NUMA1: variants seen among roughly 807,000 people sequenced by gnomAD.
NUMA1 encodes SP-H antigen.
A neutral mutation model predicts 237.1 loss-of-function variants in NUMA1; 62 were observed. The observed-to-expected ratio is 0.26, with a 90% CI of 0.21 to 0.32. NUMA1 has a LOEUF of 0.32. NUMA1 is among the 10% of genes least tolerant of loss of function. NUMA1 has a pLI of 1.00. For synonymous variants in NUMA1, 1,028 were observed against 1,066.1 expected, an observed-to-expected ratio of 0.96 and a Z score of 0.70; for missense variants, 2,533 against 2,666.5, an observed-to-expected ratio of 0.95 and a Z score of 1.10.
Position 72,003,308 on chromosome 11 carries a change from CCA to C in NUMA1, c.*217_*218del. ...AAAGGAGGCAAGGTAGGGAGAGCGC[CCA>C]CACTGTCCATGCTCCAGGCCCCCTG... is the stretch of plus-strand genomic sequence containing the variant. On this transcript the variant is annotated 3_prime_UTR_variant, in exon 27 of 27. Transcript: ENST00000393695. 1.7e-6 allele frequency: 1 copy of C among 587,772 alleles called. No homozygotes were observed. Among genetic ancestry groups the C allele is most frequent in the Non-Finnish European group, 3.1e-6 (1 of 325,342 alleles). 36.4% of individuals were successfully genotyped at this position (587,772 alleles called of 1,614,324 possible).
chr11:72,048,434 C>G (rs191537751), intron 2 of NUMA1, among the ~76,000 whole-genome samples: 1 of 152,058 alleles, frequency 6.6e-6, no homozygotes, highest in Non-Finnish European at 1.5e-5. Flanking sequence ...TACAATGGCA[C>G]GACCTCAGCT....
intron 22 of NUMA1, chr11:72,005,694 G>A (rs1955637945): frequency 6.1e-6 from 3 of 493,568 alleles, no homozygotes; most frequent in African/African-American, 2.0e-5. Flanking sequence ...GCTCCCTGGT[G>A]CCCAAAGGAC....
Position 72,014,540 on chromosome 11 carries a change from A to G in NUMA1, c.2963T>C (p.Leu988Pro). 1 of 1,602,166 alleles carries G rather than the reference A, an allele frequency of 6.2e-7. No individual in the cohort carries two copies. Among genetic ancestry groups the G allele is most frequent in the Non-Finnish European group, 8.5e-7 (1 of 1,179,938 alleles). Residue 988 changes from leucine to proline, a missense_variant, in exon 15 of 27, where the codon CTG (leucine) becomes CCG (proline). Transcript: ENST00000393695. The surrounding 1 kb of genome is among the most constrained non-coding windows in gnomAD (Gnocchi z 4.6). ...GNELERLRAA[L>P]MESQGQQQEE... ...CTGCTGCTGCCCCTGGCTCTCCATCAGCGCGGCCCGCAGCCGTTCCAGCTC... is the reference window on the plus strand; with the variant it reads ...CTGCTGCTGCCCCTGGCTCTCCATCGGCGCGGCCCGCAGCCGTTCCAGCTC...
chr11:72,017,729 C>G lies in NUMA1; in HGVS notation c.1077G>C (p.Gln359His). The change falls in exon 13 of 27, where the codon CAG (glutamine) becomes CAC (histidine). Residue 359 changes from glutamine to histidine, a missense_variant. By Grantham distance (24) the Gln-to-His change is conservative. Coordinates refer to ENST00000393695, the MANE Select transcript of NUMA1 (RefSeq NM_006185.4). ...SKATQEWLEK[Q>H]AQLEKELSAA... ...CGCTGAGCTCCTTCTCCAGCTGGGC[C>G]TGCTTCTCTAGCCACTCCTGAGTGG... is the stretch of plus-strand genomic sequence containing the variant. The G allele has an allele frequency of 6.2e-7, 1 of 1,613,534 alleles. No individual in the cohort carries two copies. The highest frequency in any genetic ancestry group is 8.5e-7 in the Non-Finnish European group (1 of 1,180,036).
chr11:72,037,444 T>G (rs1009033935), intron 2 of NUMA1, among the ~76,000 whole-genome samples: 1 of 151,980 alleles, frequency 6.6e-6, no homozygotes, highest in East Asian at 1.9e-4. Context: ...AGGCGGAGCT[T>G]GCAGTGAGCC....
intron 6 of NUMA1, among the ~76,000 whole-genome samples, 161 bp from the exon 7 acceptor site, chr11:72,022,580 CT>C (rs10716998): frequency 0.89 from 124,036 of 139,274 alleles, 55,598 homozygotes; most frequent in Non-Finnish European, 0.96. Context: ...CCAGGAAACA[CT>C]TTTTTTTTTT....
intron 3 of NUMA1, among the ~76,000 whole-genome samples, chr11:72,031,817 AAAATAAAT>A (rs933392962): frequency 6.6e-6 from 1 of 151,538 alleles, no homozygotes; most frequent in Admixed American, 6.6e-5. Context: ...CTGTCTCAAA[AAAATAAAT>A]AAATAAATAA....
At chr11:72,063,169 A>T (rs941507787) in intron 2 of NUMA1, among the ~76,000 whole-genome samples, 3 of 152,190 alleles carry the variant, frequency 2.0e-5, no homozygotes, top group Non-Finnish European at 4.4e-5. Flanking sequence ...GGATTGCTTG[A>T]GCCCAGGAGT....
chr11:72,035,771 G>A, intron 3 of NUMA1, 131 bp downstream of exon 3: 1 of 838,292 alleles, frequency 1.2e-6, no homozygotes, highest in Non-Finnish European at 2.0e-6. Context: ...TTTCCATGCT[G>A]TCTAAAGGAA....
At chr11:72,024,375 G>A in intron 4 of NUMA1, 22 bp from the exon 5 acceptor site, 1 of 1,608,492 alleles carries the variant, frequency 6.2e-7, no homozygotes. Flanking sequence ...GCAAGTATTA[G>A]GACCAGAGTA....
chr11:72,048,460 C>T (rs1408319955), intron 2 of NUMA1, among the ~76,000 whole-genome samples: 1 of 152,162 alleles, frequency 6.6e-6, no homozygotes, highest in African/African-American at 2.4e-5. Flanking sequence ...CAACCTCCAC[C>T]TGCCAGGTTC....
intron 2 of NUMA1, among the ~76,000 whole-genome samples, chr11:72,042,334 T>A (rs954137328): frequency 6.6e-6 from 1 of 152,184 alleles, no homozygotes; most frequent in Non-Finnish European, 1.5e-5. Flanking sequence ...AAAGATGAAT[T>A]AAGCCCAGCA....
intron 20 of NUMA1, 112 bp downstream of exon 20, chr11:72,008,576 A>C: frequency 7.8e-7 from 1 of 1,276,506 alleles, no homozygotes; most frequent in Non-Finnish European, 1.1e-6. Context: ...GTTTTTCGTT[A>C]TTCTTCTCTA....
chr11:72,013,503 C>T lies in NUMA1; in HGVS notation c.4000G>A (p.Glu1334Lys), dbSNP rs1956287703. 2 of 1,613,382 alleles carry T rather than the reference C, an allele frequency of 1.2e-6. No homozygotes were observed. Among genetic ancestry groups the T allele is most frequent in the Admixed American group, 1.7e-5 (1 of 60,004 alleles). ...GCCTGCTCTTTCTGGAAGAACTTCT[C>T]CTGCCACGCCTTCAATTCTTGGCCC... Reference protein sequence around the residue: ...ELGQELKAWQEKFFQKEQALS... With the variant: ...ELGQELKAWQKKFFQKEQALS... Residue 1334 changes from glutamate to lysine, a missense_variant, in exon 15 of 27, where the codon GAG becomes AAG. This residue lies in a region of NUMA1 where 324 missense variants were observed against 407.6 expected (regional missense o/e 0.79). Transcript: ENST00000393695. The surrounding 1 kb of genome is among the most constrained non-coding windows in gnomAD (Gnocchi z 6.8).
chr11:72,080,387 C>A (rs769683468), intron 1 of NUMA1, 71 bp downstream of exon 1: 1 of 152,118 alleles, frequency 6.6e-6, no homozygotes, highest in African/African-American at 2.4e-5. Flanking sequence ...GCCTCTCCAG[C>A]ACCCCTTTTA....
intron 2 of NUMA1, among the ~76,000 whole-genome samples, chr11:72,055,414 G>A (rs1942582061): frequency 6.6e-6 from 1 of 152,016 alleles, no homozygotes; most frequent in Non-Finnish European, 1.5e-5. Flanking sequence ...ACGGTTTTCT[G>A]GCTCCTAATC....
At chr11:72,020,170 A>G (rs1217515176) in intron 8 of NUMA1, among the ~76,000 whole-genome samples, 1 of 151,244 alleles carries the variant, frequency 6.6e-6, no homozygotes, top group African/African-American at 2.4e-5. Context: ...TCCTCTACCC[A>G]CCCTCTAAGC....
chr11:72,057,908 A>T (rs1173462315), intron 2 of NUMA1, among the ~76,000 whole-genome samples: 4 of 135,184 alleles, frequency 3.0e-5, no homozygotes, highest in East Asian at 4.3e-4. Flanking sequence ...TGTCTCTATT[A>T]AAAAAAAAAA....
At chr11:72,057,220 T>G (rs190233317) in intron 2 of NUMA1, among the ~76,000 whole-genome samples, 38 of 152,300 alleles carry the variant, frequency 2.5e-4, no homozygotes, top group African/African-American at 8.7e-4. Flanking sequence ...CACTAAAGCC[T>G]TCATTTAAGT....
Sources: allele counts gnomAD v4.1 joint callset (sites outside exome capture counted in the v4.1 genomes callset), GRCh38; gene constraint gnomAD v4.1.1; regional missense constraint gnomAD v4.1.1; non-coding constraint Gnocchi (gnomAD v3.1); transcripts MANE v1.5; gene names NCBI Gene and HGNC (gene_info 2026-07-23, HGNC 2026-07-21).